TTC29: variants seen among roughly 807,000 people sequenced by gnomAD.
TTC29 encodes the protein tetratricopeptide repeat domain 29.
Under a neutral mutation model 58.1 loss-of-function variants are expected in TTC29, and 49 were observed. The observed-to-expected ratio is 0.84, with a 90% CI of 0.67 to 1.07. The LOEUF is 1.07. Among genes scored for constraint, TTC29 ranks in the 50% least tolerant of loss-of-function variants. The pLI is 0.00. For synonymous variants in TTC29, 209 were observed against 196.8 expected (o/e 1.06, Z -0.52); for missense variants, 582 against 555.6 (o/e 1.05, Z -0.48).
In TTC29 at chr4:146,739,564, TTCATAGAGTAAATG is replaced by T. The variant is rs551967950; in HGVS notation, c.1331-32027_1331-32014del. On this transcript the variant is annotated intron_variant, in intron 11 of 12. Transcript: ENST00000325106. ...CAATTTACATCCTAGCACAGGGCTT[TTCATAGAGTAAATG>T]TTTAGTAAATATTTATTGAATGATT... 7.9e-5 allele frequency among the ~76,000 whole-genome samples: 12 copies of T among 152,360 alleles called. No individual in the cohort carries two copies. The East Asian group carries it at 2.3e-3, about 29-fold the overall frequency.
chr4:146,827,090 A>G (rs1230228007), intron 9 of TTC29, among the ~76,000 whole-genome samples: 2 of 152,044 alleles, frequency 1.3e-5, no homozygotes, highest in African/African-American at 2.4e-5. Context: ...TATCTTCTGT[A>G]GCCTACTTCT....
In TTC29 at chr4:146,903,529, C is replaced by T; in HGVS notation, c.586+15G>A. On this transcript the variant is annotated intron_variant, in intron 6 of 12. Transcript: ENST00000325106. Reference sequence around the variant, plus strand: ...CCAAAACATACCCAAGGCATCCTGGCAAATGCCCACTCACCATCTTCCTCG... The same window carrying T: ...CCAAAACATACCCAAGGCATCCTGGTAAATGCCCACTCACCATCTTCCTCG... 2 of 1,587,906 alleles carry T rather than the reference C, an allele frequency of 1.3e-6. No individual in the cohort carries two copies. The highest frequency in any genetic ancestry group is 8.6e-7 in the Non-Finnish European group (1 of 1,166,422).
At chr4:146,926,349 A>G (rs1734929282) in intron 4 of TTC29, among the ~76,000 whole-genome samples, 1 of 152,168 alleles carries the variant, frequency 6.6e-6, no homozygotes, top group African/African-American at 2.4e-5. Context: ...TGAAAGAAAA[A>G]CTTAATGTTC....
intron 4 of TTC29, among the ~76,000 whole-genome samples, chr4:146,910,899 G>C (rs1733853189): frequency 6.6e-6 from 1 of 152,152 alleles, no homozygotes; most frequent in Non-Finnish European, 1.5e-5. Context: ...GATCGATAGA[G>C]GAGAAAAGTA....
At chr4:146,750,330 T>A (rs998825224) in intron 11 of TTC29, among the ~76,000 whole-genome samples, 1 of 152,252 alleles carries the variant, frequency 6.6e-6, no homozygotes, top group East Asian at 1.9e-4. Context: ...TTAAGAAACA[T>A]TTAAGAAAGT....
intron 11 of TTC29, among the ~76,000 whole-genome samples, chr4:146,736,199 A>T (rs1403345632): frequency 6.6e-6 from 1 of 152,048 alleles, no homozygotes; most frequent in Non-Finnish European, 1.5e-5. Context: ...AAAGGGCCAG[A>T]GTTCTTTGGC....
chr4:146,716,408 T>C (rs879886773), intron 11 of TTC29, among the ~76,000 whole-genome samples: 1 of 152,142 alleles, frequency 6.6e-6, no homozygotes, highest in Non-Finnish European at 1.5e-5. Flanking sequence ...GAGAATTATA[T>C]GAGATAATTT....
intron 4 of TTC29, among the ~76,000 whole-genome samples, chr4:146,931,207 T>C (rs1409585680): frequency 6.6e-6 from 1 of 151,924 alleles, no homozygotes; most frequent in African/African-American, 2.4e-5. Flanking sequence ...CACTGATTAG[T>C]ATTATAAGTT....
intron 8 of TTC29, among the ~76,000 whole-genome samples, chr4:146,865,123 C>A (rs1418567378): frequency 6.6e-6 from 1 of 152,140 alleles, no homozygotes; most frequent in East Asian, 1.9e-4. Context: ...AAAGGAGTAA[C>A]AGCTTCAAGT....
At position 146,855,543 on chromosome 4, in the gene TTC29, G is replaced by A. The variant is rs529338490; in HGVS notation, c.885+11955C>T. ...TAATGAAACTTATGTGTTGATTAAGGGAGAAAGTTGAAATTACTGGGTAAA... is the reference window on the plus strand; with the variant it reads ...TAATGAAACTTATGTGTTGATTAAGAGAGAAAGTTGAAATTACTGGGTAAA... On this transcript the variant is annotated intron_variant, in intron 8 of 12. Transcript: ENST00000325106. Among the ~76,000 whole-genome samples the A allele has an allele frequency of 2.1e-3, 317 of 152,254 alleles. 1 individual carries two copies. The highest frequency in any genetic ancestry group is 0.017 in the Middle Eastern group (5 of 294).
chr4:146,941,271 G>C (rs766237141), intron 2 of TTC29, among the ~76,000 whole-genome samples: 10 of 152,110 alleles, frequency 6.6e-5, no homozygotes, highest in East Asian at 1.9e-4. Context: ...AAGCTGAAAG[G>C]CTTGTTTTAG....
At chr4:146,909,589 TCAA>T (rs924050365) in intron 4 of TTC29, among the ~76,000 whole-genome samples, 66 of 151,344 alleles carry the variant, frequency 4.4e-4, no homozygotes, top group African/African-American at 1.5e-3. Context: ...AAAAAAAACC[TCAA>T]CAAGTCAAGC....
chr4:146,931,258 T>C (rs1735317409), intron 4 of TTC29, among the ~76,000 whole-genome samples: 1 of 152,110 alleles, frequency 6.6e-6, no homozygotes, highest in African/African-American at 2.4e-5. Flanking sequence ...TAGAACATGA[T>C]GAAAATGATA....
intron 11 of TTC29, among the ~76,000 whole-genome samples, chr4:146,803,188 CTAAGA>C (rs1279896303): frequency 2.6e-5 from 4 of 151,492 alleles, no homozygotes; most frequent in African/African-American, 9.7e-5. Context: ...CTATTGTTGA[CTAAGA>C]TAACTGGTGA....
In TTC29 at chr4:146,934,122, G is replaced by GA. The variant is rs1006452777; in HGVS notation, c.176+3471dup. 7 of 152,508 alleles carry GA rather than the reference G, an allele frequency of 4.6e-5. 1 individual carries two copies. The highest frequency in any genetic ancestry group is 1.7e-4 in the African/African-American group (7 of 41,568). The allele number at this position is 152,508 out of a possible 1,614,324, so 9.4% of individuals were successfully genotyped here. A position where few individuals can be genotyped will look rare whatever the true frequency, so the allele number is the denominator to read the frequency against. The stretch of plus-strand genomic sequence containing the variant: ...AGCTATTGGCAGATTTTAAGCAGGG[G>GA]AATGTCATGATCTAATGTTTTCAAA... On this transcript the variant is annotated intron_variant, in intron 4 of 12. Coordinates refer to ENST00000325106, the MANE Select transcript of TTC29 (RefSeq NM_031956.4).
At chr4:146,934,393 C>A (rs56152153) in intron 4 of TTC29, 1 of 151,904 alleles carries the variant, frequency 6.6e-6, no homozygotes, top group East Asian at 1.9e-4. Context: ...GGCTGTGGGA[C>A]GAATATTGGG....
chr4:146,836,366 G>C (rs1196951613), intron 8 of TTC29, among the ~76,000 whole-genome samples: 1 of 152,052 alleles, frequency 6.6e-6, no homozygotes, highest in East Asian at 1.9e-4. Flanking sequence ...ACCAAGTAGG[G>C]AAAATGTCAA....
chr4:146,832,267 C>T (rs17609810), intron 9 of TTC29, among the ~76,000 whole-genome samples: 9,572 of 152,232 alleles, frequency 0.063, 406 homozygotes, highest in Admixed American at 0.13. Context: ...TAGTTCCAAA[C>T]AGACATAAAT....
chr4:146,720,970 T>G (rs1210185505), intron 11 of TTC29, among the ~76,000 whole-genome samples: 1 of 152,126 alleles, frequency 6.6e-6, no homozygotes, highest in Non-Finnish European at 1.5e-5. Context: ...AGTTTGTAAT[T>G]GATTTCAAAT....
Sources: gnomAD v4.1 joint callset for allele counts (sites outside exome capture counted in the v4.1 genomes callset) on GRCh38, gnomAD v4.1.1 for gene constraint, MANE v1.5 for transcripts, NCBI Gene and HGNC (gene_info 2026-07-23, HGNC 2026-07-21) for gene names.